The following SLC24A2 variants were observed in gnomAD, a reference collection of about 807,000 sequenced individuals.
SLC24A2 encodes sodium/potassium/calcium exchanger 2.
In SLC24A2, 36 loss-of-function variants were observed where a neutral mutation model predicts 62.0. That is an observed-to-expected ratio of 0.58 (90% CI 0.44 to 0.77). The LOEUF (loss-of-function observed/expected upper bound fraction) is 0.77. Ranked by LOEUF, SLC24A2 falls within the 30% of genes least tolerant of loss-of-function variation. The pLI, the probability that SLC24A2 is intolerant of heterozygous loss-of-function variation, is 0.00. For synonymous variants in SLC24A2, 358 were observed against 294.0 expected (o/e 1.22, Z -2.23); for missense variants, 846 against 817.9 (o/e 1.03, Z -0.42).
At chr9:20,214,551 C>T in the SLC24A2 span, among the ~76,000 whole-genome samples, 2 of 151,714 alleles carry the variant, frequency 1.3e-5, no homozygotes, top group Non-Finnish European at 2.9e-5. Flanking sequence ...GGAGGCACAG[C>T]TTGCAGTGAG....
At chr9:20,030,127 A>G in the SLC24A2 span, among the ~76,000 whole-genome samples, 10 of 152,226 alleles carry the variant, frequency 6.6e-5, no homozygotes, top group African/African-American at 1.9e-4. Flanking sequence ...ATACAGCACC[A>G]CAGGCAGGAC....
chr9:19,655,615 C>T (rs1044245854), intron 2 of SLC24A2, among the ~76,000 whole-genome samples: 2 of 152,110 alleles, frequency 1.3e-5, no homozygotes, highest in African/African-American at 4.8e-5. Flanking sequence ...TGTGATGAGG[C>T]TGGATAAATA....
intron 2 of SLC24A2, among the ~76,000 whole-genome samples, chr9:19,697,179 G>A (rs981010131): frequency 6.6e-5 from 10 of 152,064 alleles, no homozygotes; most frequent in Non-Finnish European, 1.3e-4. Context: ...TTGCATCAAT[G>A]GCTATTGAAA....
chr9:19,915,153 TG>T, the SLC24A2 span, among the ~76,000 whole-genome samples: 8 of 152,164 alleles, frequency 5.3e-5, no homozygotes, highest in African/African-American at 1.2e-4. Flanking sequence ...TTACCTATTT[TG>T]GATATTTCAC....
the SLC24A2 span, among the ~76,000 whole-genome samples, chr9:20,179,384 A>G: frequency 6.6e-6 from 1 of 152,138 alleles, no homozygotes; most frequent in South Asian, 2.1e-4. Context: ...AAGGAATGAA[A>G]TGTCCTGGTG....
chr9:19,969,662 C>G, the SLC24A2 span, among the ~76,000 whole-genome samples: 1 of 152,074 alleles, frequency 6.6e-6, no homozygotes, highest in Non-Finnish European at 1.5e-5. Context: ...AGAAAAGAAC[C>G]AAGAAGCAAG....
chr9:20,122,050 A>G, the SLC24A2 span, among the ~76,000 whole-genome samples: 1 of 152,200 alleles, frequency 6.6e-6, no homozygotes, highest in African/African-American at 2.4e-5. Flanking sequence ...AGGGCATTTC[A>G]CTGAGATGAG....
intron 8 of SLC24A2, among the ~76,000 whole-genome samples, chr9:19,535,761 T>C (rs775894914): frequency 6.6e-5 from 10 of 152,118 alleles, no homozygotes; most frequent in Non-Finnish European, 1.3e-4. Context: ...GGTAGCCTAG[T>C]TTGGAGTCAG....
At chr9:20,098,520 T>G in the SLC24A2 span, among the ~76,000 whole-genome samples, 7 of 152,216 alleles carry the variant, frequency 4.6e-5, no homozygotes, top group Non-Finnish European at 1.0e-4. Flanking sequence ...TGTTGTCCTT[T>G]TGACCAAAGA....
the SLC24A2 span, among the ~76,000 whole-genome samples, chr9:19,888,138 T>A: frequency 6.6e-6 from 1 of 152,216 alleles, no homozygotes; most frequent in Admixed American, 6.5e-5. Context: ...AATTGGTTTT[T>A]AAAAAGTATC....
chr9:19,918,393 CAAAAA>C, the SLC24A2 span, among the ~76,000 whole-genome samples: 8 of 137,622 alleles, frequency 5.8e-5, no homozygotes, highest in East Asian at 8.3e-4. Context: ...CTGCCTTTAT[CAAAAA>C]AAAAAAAAAA....
At chr9:19,893,984 A>G in the SLC24A2 span, among the ~76,000 whole-genome samples, 2 of 152,216 alleles carry the variant, frequency 1.3e-5, no homozygotes, top group African/African-American at 4.8e-5. Flanking sequence ...GAAGTGACAA[A>G]CACTACTTCT....
At chr9:20,208,474 G>C in the SLC24A2 span, among the ~76,000 whole-genome samples, 1 of 152,180 alleles carries the variant, frequency 6.6e-6, no homozygotes, top group Admixed American at 6.5e-5. Flanking sequence ...AATGGAGACT[G>C]TTTCCTCAAG....
chr9:19,873,554 C>CTTTATT, the SLC24A2 span, among the ~76,000 whole-genome samples: 1 of 136,852 alleles, frequency 7.3e-6, no homozygotes. Flanking sequence ...TTCTTTCTTT[C>CTTTATT]TCTCTCTCTC....
the SLC24A2 span, among the ~76,000 whole-genome samples, chr9:19,882,458 T>TC: frequency 3.8e-4 from 58 of 152,074 alleles, no homozygotes; most frequent in Admixed American, 7.9e-4. Flanking sequence ...TGTGTGGATC[T>TC]CTTCCTTGTG....
the SLC24A2 span, among the ~76,000 whole-genome samples, chr9:20,128,779 C>G: frequency 1.3e-5 from 2 of 151,922 alleles, no homozygotes; most frequent in Admixed American, 6.6e-5. Flanking sequence ...GAAGTTTGAC[C>G]CTTACCTCAT....
intron 2 of SLC24A2, among the ~76,000 whole-genome samples, chr9:19,723,945 T>G (rs1227088671): frequency 6.6e-6 from 1 of 152,158 alleles, no homozygotes; most frequent in Non-Finnish European, 1.5e-5. Context: ...TACTATTTTT[T>G]ATTAAAATTT....
At chr9:19,986,446 T>C in the SLC24A2 span, among the ~76,000 whole-genome samples, 6 of 152,232 alleles carry the variant, frequency 3.9e-5, 1 homozygote, top group South Asian at 6.2e-4. Flanking sequence ...TATGTAATCC[T>C]AAAAGAACTG....
Position 19,730,804 on chromosome 9 carries a change from C to A in SLC24A2, c.930+55133G>T, listed in dbSNP as rs993530394. Among the ~76,000 whole-genome samples the A allele has an allele frequency of 8.6e-5, 13 of 151,948 alleles. No individual in the cohort carries two copies. The South Asian group carries it at 2.7e-3, about 32-fold the overall frequency. ...TATATTTTCTAAGCATAAATGACTACATTTAAAGTCACATTTAATAGTGTT... is the reference window on the plus strand; with the variant it reads ...TATATTTTCTAAGCATAAATGACTAAATTTAAAGTCACATTTAATAGTGTT... On this transcript the variant is annotated intron_variant, in intron 2 of 10. Coordinates refer to ENST00000341998, the MANE Select transcript of SLC24A2 (RefSeq NM_020344.4).
Sources: allele counts gnomAD v4.1 joint callset (sites outside exome capture counted in the v4.1 genomes callset), GRCh38; gene constraint gnomAD v4.1.1; transcripts MANE v1.5; gene names NCBI Gene and HGNC (gene_info 2026-07-23, HGNC 2026-07-21).